Variants in KCNH1 observed in about 807,000 individuals in gnomAD.
KCNH1 encodes potassium voltage-gated channel subfamily H member 1, also known as voltage-gated delayed rectifier potassium channel KCNH1.
In KCNH1, 27 loss-of-function variants were observed where a neutral mutation model predicts 69.2. That is an observed-to-expected ratio of 0.39 (90% confidence interval 0.29 to 0.54). The LOEUF (loss-of-function observed/expected upper bound fraction) is 0.54. Among genes scored for constraint, KCNH1 ranks in the 20% least tolerant of loss-of-function variants. The pLI, the probability that KCNH1 is intolerant of heterozygous loss-of-function variation, is 0.68. For synonymous variants in KCNH1, 456 were observed against 487.7 expected (o/e 0.93, Z 0.86); for missense variants, 798 against 1,261.6 (o/e 0.63, Z 5.57).
At chr1:210,735,796 CAG>C (rs1682864600) in intron 10 of KCNH1, among the ~76,000 whole-genome samples, 1 of 123,006 alleles carries the variant, frequency 8.1e-6, no homozygotes, top group African/African-American at 3.0e-5. Flanking sequence ...CATGCATACA[CAG>C]ACACACACAC....
At chr1:211,002,711 A>G (rs1689211718) in intron 6 of KCNH1, among the ~76,000 whole-genome samples, 1 of 152,230 alleles carries the variant, frequency 6.6e-6, no homozygotes, top group Non-Finnish European at 1.5e-5. Context: ...AGAAGTAATT[A>G]GCCAAACTGA....
chr1:211,067,268 C>T (rs1414645206), intron 5 of KCNH1, among the ~76,000 whole-genome samples: 1 of 152,212 alleles, frequency 6.6e-6, no homozygotes, highest in East Asian at 1.9e-4. Flanking sequence ...TCCCTCAGAT[C>T]CCCTTTTAAG....
intron 6 of KCNH1, among the ~76,000 whole-genome samples, chr1:210,955,502 A>C (rs891444545): frequency 6.6e-6 from 1 of 152,086 alleles, no homozygotes; most frequent in Non-Finnish European, 1.5e-5. Flanking sequence ...CAGTATGGCC[A>C]TTTTCACGAT....
chr1:210,814,230 T>A (rs1328887146), intron 7 of KCNH1, among the ~76,000 whole-genome samples: 1 of 152,126 alleles, frequency 6.6e-6, no homozygotes, highest in East Asian at 1.9e-4. Flanking sequence ...GAATACTGGC[T>A]CCACTACCCA....
At chr1:210,846,807 A>G (rs75091540) in intron 7 of KCNH1, among the ~76,000 whole-genome samples, 127,284 of 151,760 alleles carry the variant, frequency 0.84, 53,580 homozygotes, top group African/African-American at 0.88. Context: ...TACAGAATGG[A>G]AGAAAATTTT....
At chr1:210,897,131 G>A (rs1195641730) in intron 7 of KCNH1, among the ~76,000 whole-genome samples, 3 of 152,150 alleles carry the variant, frequency 2.0e-5, no homozygotes, top group Non-Finnish European at 2.9e-5. Flanking sequence ...CTAACTCCTC[G>A]ATAACTCAAA....
chr1:210,958,097 A>G (rs1688215661), intron 6 of KCNH1, among the ~76,000 whole-genome samples: 1 of 152,132 alleles, frequency 6.6e-6, no homozygotes, highest in South Asian at 2.1e-4. Context: ...AGCTCTTGTA[A>G]GGCAGGCCTG....
At chr1:211,095,038 T>A (rs1333621971) in intron 3 of KCNH1, among the ~76,000 whole-genome samples, 1 of 152,194 alleles carries the variant, frequency 6.6e-6, no homozygotes, top group Non-Finnish European at 1.5e-5. Flanking sequence ...ATTCAGACAC[T>A]GACTTTCCTG....
chr1:210,781,562 A>G (rs1683987141), intron 9 of KCNH1, among the ~76,000 whole-genome samples: 1 of 152,158 alleles, frequency 6.6e-6, no homozygotes, highest in Non-Finnish European at 1.5e-5. Context: ...CTTATAAGAC[A>G]GATAAGGGGA....
intron 5 of KCNH1, among the ~76,000 whole-genome samples, chr1:211,076,440 C>T (rs980378673): frequency 3.3e-4 from 50 of 152,228 alleles, no homozygotes; most frequent in African/African-American, 1.2e-3. Flanking sequence ...GTTCTGCAGC[C>T]TCCATTGGTG....
chr1:210,951,195 C>T (rs551358858), intron 6 of KCNH1, among the ~76,000 whole-genome samples: 8 of 152,270 alleles, frequency 5.3e-5, no homozygotes, highest in African/African-American at 1.9e-4. Flanking sequence ...AGGGCTACGA[C>T]AGAAACTCCA....
chr1:210,922,471 G>T (rs1687483759), intron 6 of KCNH1, among the ~76,000 whole-genome samples: 1 of 146,572 alleles, frequency 6.8e-6, no homozygotes, highest in South Asian at 2.2e-4. Flanking sequence ...ATAATTTCTT[G>T]TCCAATATAT....
chr1:211,032,299 G>A (rs1250346995), intron 5 of KCNH1, among the ~76,000 whole-genome samples: 3 of 152,170 alleles, frequency 2.0e-5, no homozygotes, highest in African/African-American at 4.8e-5. Context: ...ATGCTCATGG[G>A]AAGGAAGAAT....
chr1:210,816,403 C>CCA lies in KCNH1; in HGVS notation c.1463-12239_1463-12238dup, dbSNP rs1440871659. Among the ~76,000 whole-genome samples, 4 of 152,198 alleles carry CCA rather than the reference C, an allele frequency of 2.6e-5. No homozygotes were observed. In the East Asian group the frequency reaches 7.7e-4, roughly 29 times the overall value. ...TAACCCATTAACAATGCAGTCTGTG[C>CCA]CACCTCATTTCAACCAGTGTTTTAA... is the stretch of plus-strand genomic sequence containing the variant. On this transcript the variant is annotated intron_variant, in intron 7 of 10. Coordinates refer to ENST00000271751, the MANE Select transcript of KCNH1 (RefSeq NM_172362.3).
chr1:211,090,541 G>A, intron 4 of KCNH1, 21 bp downstream of exon 4: 2 of 1,586,126 alleles, frequency 1.3e-6, no homozygotes, highest in Non-Finnish European at 1.7e-6. Context: ...AAATGTATTT[G>A]TACAAGTCAG....
chr1:211,018,040 TCTTCCTGTCTCTCA>T (rs1430843726), intron 6 of KCNH1, among the ~76,000 whole-genome samples: 5 of 152,118 alleles, frequency 3.3e-5, no homozygotes, highest in African/African-American at 1.2e-4. Context: ...TGGCACCTCC[TCTTCCTGTCTCTCA>T]CTTCCTCTCT....
intron 8 of KCNH1, among the ~76,000 whole-genome samples, chr1:210,800,524 C>A (rs549770984): frequency 6.6e-6 from 1 of 152,286 alleles, no homozygotes; most frequent in South Asian, 2.1e-4. Context: ...TTCCCAGAGC[C>A]AATGGAGAGT....
chr1:210,732,360 G>A (rs139361763), intron 10 of KCNH1, among the ~76,000 whole-genome samples: 1 of 151,984 alleles, frequency 6.6e-6, no homozygotes, highest in South Asian at 2.1e-4. Flanking sequence ...TAGTGGGTCA[G>A]ACAAGAAAGG....
intron 7 of KCNH1, among the ~76,000 whole-genome samples, chr1:210,866,572 T>C (rs777460962): frequency 2.6e-5 from 4 of 152,096 alleles, no homozygotes; most frequent in Non-Finnish European, 5.9e-5. Flanking sequence ...GACATCACTT[T>C]ACACCCATTA....
Sources: allele counts gnomAD v4.1 joint callset (sites outside exome capture counted in the v4.1 genomes callset), GRCh38; gene constraint gnomAD v4.1.1; transcripts MANE v1.5; gene names NCBI Gene and HGNC (gene_info 2026-07-23, HGNC 2026-07-21).